The following SERPINA12 variants were observed in gnomAD, a reference collection of about 807,000 sequenced individuals.
SERPINA12 encodes serpin A12.
In SERPINA12, 21 loss-of-function variants were observed where a neutral mutation model predicts 25.9. That is an observed-to-expected ratio of 0.81 (90% confidence interval 0.58 to 1.17). SERPINA12 has a LOEUF of 1.17. SERPINA12 is among the 50% of genes most tolerant of loss of function. SERPINA12 has a pLI of 0.00. For synonymous variants in SERPINA12, 220 were observed against 196.0 expected, an observed-to-expected ratio of 1.12 and a Z score of -1.02; for missense variants, 562 against 508.3, an observed-to-expected ratio of 1.11 and a Z score of -1.02.
chr14:94,516,469 G>T (rs1351730569), intron 1 of SERPINA12, among the ~76,000 whole-genome samples: 1 of 152,182 alleles, frequency 6.6e-6, no homozygotes, highest in Non-Finnish European at 1.5e-5. Flanking sequence ...GCCTGGTGAG[G>T]GCTGGAAGAG....
chr14:94,509,167 G>A (rs1566815675), intron 1 of SERPINA12, among the ~76,000 whole-genome samples, 175 bp downstream of exon 1: 1 of 152,174 alleles, frequency 6.6e-6, no homozygotes, highest in East Asian at 1.9e-4. Flanking sequence ...GGAACTCTTG[G>A]CCAGACTGGT....
chr14:94,489,837 T>TGAG, intron 3 of SERPINA12, 70 bp from the exon 4 acceptor site: 1 of 1,495,340 alleles, frequency 6.7e-7, no homozygotes, highest in South Asian at 1.2e-5. Flanking sequence ...TCAGGATACA[T>TGAG]GACCAATGAA....
intron 3 of SERPINA12, 24 bp from the exon 4 acceptor site, chr14:94,489,791 T>C: frequency 6.2e-7 from 1 of 1,611,120 alleles, no homozygotes; most frequent in South Asian, 1.1e-5. Context: ...ACGACAAGGG[T>C]GAGTGGTCAA....
intron 2 of SERPINA12, among the ~76,000 whole-genome samples, chr14:94,497,365 T>C (rs1230441696): frequency 2.0e-5 from 3 of 152,236 alleles, no homozygotes; most frequent in African/African-American, 7.2e-5. Flanking sequence ...CACACAGTGC[T>C]AGGGCCAGGA....
intron 3 of SERPINA12, among the ~76,000 whole-genome samples, chr14:94,490,173 A>G (rs1900108671): frequency 6.6e-6 from 1 of 152,178 alleles, no homozygotes; most frequent in Admixed American, 6.5e-5. Context: ...GACAGAACTG[A>G]GTTCAAATCC....
At chr14:94,510,876 A>G (rs1274674574), upstream of SERPINA12, among the ~76,000 whole-genome samples, 1 of 152,200 alleles carries the variant, frequency 6.6e-6, no homozygotes, top group Admixed American at 6.5e-5. Context: ...TCTTGCCCAT[A>G]AGTGGGAGCT....
chr14:94,498,401 C>T lies in SERPINA12; in HGVS notation c.-4G>A, dbSNP rs1900566642. 3 of 1,611,434 alleles carry T rather than the reference C, an allele frequency of 1.9e-6. No homozygotes were observed. Among genetic ancestry groups the T allele is most frequent in the East Asian group, 2.2e-5 (1 of 44,870 alleles). On this transcript the variant is annotated 5_prime_UTR_variant, in exon 2 of 5. Coordinates refer to ENST00000677451, the MANE Select transcript of SERPINA12 (RefSeq NM_001382267.1). ...CCAGGCCTAGTGTGGGGTTCATTTTCCTTGAAGAATATCCTGTTGAGTAGT... is the reference window on the plus strand; with the variant it reads ...CCAGGCCTAGTGTGGGGTTCATTTTTCTTGAAGAATATCCTGTTGAGTAGT...
At chr14:94,488,832 C>T (rs540870676) in intron 4 of SERPINA12, among the ~76,000 whole-genome samples, 89 of 152,282 alleles carry the variant, frequency 5.8e-4, no homozygotes, top group African/African-American at 2.0e-3. Context: ...CGGTGGCTCA[C>T]GCCTGTAATC....
At chr14:94,498,454 C>A in intron 1 of SERPINA12, 24 bp from the exon 2 acceptor site, 1 of 1,549,484 alleles carries the variant, frequency 6.5e-7, no homozygotes, top group South Asian at 1.2e-5. Context: ...AAAAAAAGAA[C>A]ATGATAACCC....
chr14:94,499,288 C>G (rs754483302), intron 1 of SERPINA12, among the ~76,000 whole-genome samples: 1 of 152,296 alleles, frequency 6.6e-6, no homozygotes, highest in South Asian at 2.1e-4. Flanking sequence ...GGGAGAGGAA[C>G]AGCCAGGTCT....
In SERPINA12 at chr14:94,498,075, G is replaced by A. The variant is rs764495705; in HGVS notation, c.323C>T (p.Pro108Leu). 1.2e-6 allele frequency: 2 copies of A among 1,614,064 alleles called. No homozygotes were observed. Among genetic ancestry groups the A allele is most frequent in the South Asian group, 1.1e-5 (1 of 91,072 alleles). ...GAAGCCCTCATGAAGATCTTTTTCT[G>A]GCATCTTTCTGAAGTTGAACCCCTG... ...IKQGFNFRKM[P>L]EKDLHEGFHY... Residue 108 changes from proline (P) to leucine (L), a missense_variant, in exon 2 of 5, where the codon CCA becomes CTA. Pro to Leu is a moderately conservative substitution (Grantham distance 98, BLOSUM62 -3). Transcript: ENST00000677451.
intron 2 of SERPINA12, among the ~76,000 whole-genome samples, chr14:94,497,368 G>A (rs1289270514): frequency 1.3e-5 from 2 of 152,198 alleles, no homozygotes; most frequent in East Asian, 3.8e-4. Context: ...ACAGTGCTAG[G>A]GCCAGGAGAA....
upstream of SERPINA12, chr14:94,511,618 A>G: frequency 1.0e-6 from 1 of 985,438 alleles, no homozygotes; most frequent in Non-Finnish European, 1.2e-6. Context: ...TCTCTGAGCC[A>G]TTCGACTTCT....
Position 94,498,072 on chromosome 14 carries a change from T to C in SERPINA12, c.326A>G (p.Glu109Gly). ...ATGGAAGCCCTCATGAAGATCTTTT[T>C]CTGGCATCTTTCTGAAGTTGAACCC... ...KQGFNFRKMPEKDLHEGFHYI... is the reference protein window; with the variant it reads ...KQGFNFRKMPGKDLHEGFHYI... Residue 109 changes from glutamate to glycine, a missense_variant, in exon 2 of 5, where the codon GAA becomes GGA. Physicochemically the swap from Glu to Gly is moderately conservative, Grantham distance 98. Coordinates refer to ENST00000677451, the MANE Select transcript of SERPINA12 (RefSeq NM_001382267.1). 1 of 1,614,212 alleles carries C rather than the reference T, an allele frequency of 6.2e-7. No homozygotes were observed. Among genetic ancestry groups the C allele is most frequent in the Non-Finnish European group, 8.5e-7 (1 of 1,180,040 alleles).
At chr14:94,490,092 G>T (rs768694478) in intron 3 of SERPINA12, among the ~76,000 whole-genome samples, 2 of 152,100 alleles carry the variant, frequency 1.3e-5, no homozygotes, top group African/African-American at 2.4e-5. Context: ...TGCCATGCCT[G>T]AGCCCTGAGC....
chr14:94,514,551 G>A (rs980647854), intron 2 of SERPINA12, among the ~76,000 whole-genome samples: 6 of 152,232 alleles, frequency 3.9e-5, no homozygotes, highest in African/African-American at 1.4e-4. Context: ...GGACCTGGGT[G>A]GGCCCTTCGA....
chr14:94,490,504 C>T (rs1390453685), intron 3 of SERPINA12, among the ~76,000 whole-genome samples: 2 of 152,048 alleles, frequency 1.3e-5, no homozygotes, highest in African/African-American at 2.4e-5. Context: ...TCATTCCTGC[C>T]TATGTGTCCT....
At chr14:94,495,025 T>C (rs1320884104) in intron 3 of SERPINA12, among the ~76,000 whole-genome samples, 1 of 151,730 alleles carries the variant, frequency 6.6e-6, no homozygotes, top group Non-Finnish European at 1.5e-5. Flanking sequence ...CCCAGTACCA[T>C]GACTTAATTG....
rs532767188 is a variant in SERPINA12, at chr14:94,489,514, G to T, written c.1053+106C>A. 31 of 1,329,370 alleles carry T rather than the reference G, an allele frequency of 2.3e-5. No homozygotes were observed. In the East Asian group the frequency reaches 7.0e-4, roughly 30 times the overall value. 82.3% of individuals were successfully genotyped at this position (1,329,370 alleles called of 1,614,324 possible). ...GCTGCATTCATGCCCGCCCCGACTG[G>T]TGGGTGGAGTCTCGGCTCTGACAGC... On this transcript the variant is annotated intron_variant, in intron 4 of 4. Transcript: ENST00000677451.
Sources: gnomAD v4.1 joint callset for allele counts (sites outside exome capture counted in the v4.1 genomes callset) on GRCh38, gnomAD v4.1.1 for gene constraint, MANE v1.5 for transcripts, NCBI Gene and HGNC (gene_info 2026-07-23, HGNC 2026-07-21) for gene names.